Variants in PCBP3 observed in about 807,000 individuals in gnomAD.
PCBP3 encodes the protein poly(rC) binding protein 3.
Under a neutral mutation model 52.7 loss-of-function variants are expected in PCBP3, and 25 were observed. The observed-to-expected ratio is 0.47, with a 90% CI of 0.35 to 0.66. The LOEUF (loss-of-function observed/expected upper bound fraction) is 0.66, where lower values mean the gene tolerates loss of function less well. Ranked by LOEUF, PCBP3 falls within the 30% of genes least tolerant of loss-of-function variation. The pLI, the probability that PCBP3 is intolerant of heterozygous loss-of-function variation, is 0.01. For missense variants in PCBP3, 391 were observed against 490.3 expected, an observed-to-expected ratio of 0.80 and a Z score of 1.91; for synonymous variants, 162 against 183.0, an observed-to-expected ratio of 0.89 and a Z score of 0.93.
chr21:45,802,025 G>C lies in PCBP3; in HGVS notation c.-126+46573G>C, dbSNP rs750532567. ...CTGACTGTCCCTCTGTGGCTCTCGGGGTCTCCCCTCCTCTTCCTTGAGGGC... is the reference window on the plus strand; with the variant it reads ...CTGACTGTCCCTCTGTGGCTCTCGGCGTCTCCCCTCCTCTTCCTTGAGGGC... On this transcript the variant is annotated intron_variant, in intron 4 of 17. Transcript: ENST00000681687. This position sits in a 1 kb window ranked among gnomAD's most constrained non-coding sequence, Gnocchi z 5.1. 6.6e-6 allele frequency among the ~76,000 whole-genome samples: 1 copy of C among 152,060 alleles called. No homozygotes were observed. Among genetic ancestry groups the C allele is most frequent in the Non-Finnish European group, 1.5e-5 (1 of 67,998 alleles).
At position 45,913,891 on chromosome 21, in the gene PCBP3, C is replaced by T. The variant is rs534359096; in HGVS notation, c.601-60C>T. 105 of 1,505,982 alleles carry T rather than the reference C, an allele frequency of 7.0e-5. No individual in the cohort carries two copies. The Admixed American group carries it at 8.5e-4, about 12-fold the overall frequency. The allele number at this position is 1,505,982 out of a possible 1,614,324, so 93.3% of individuals were successfully genotyped here. A position where few individuals can be genotyped will look rare whatever the true frequency, so the allele number is the denominator to read the frequency against. ...TGGGGTGGGCCGGGGCACGCCTCCC[C>T]ATTGCCAGGCTGCGAAGCTGCTCTA... On this transcript the variant is annotated intron_variant, in intron 11 of 17. Transcript: ENST00000681687.
chr21:45,897,678 A>C (rs959710221), intron 6 of PCBP3, among the ~76,000 whole-genome samples: 1 of 152,026 alleles, frequency 6.6e-6, no homozygotes, highest in Non-Finnish European at 1.5e-5. Context: ...TCCTTGTCCC[A>C]GTCCTGGAAC....
At chr21:45,720,178 T>C (rs1464280368) in intron 2 of PCBP3, among the ~76,000 whole-genome samples, 1 of 152,166 alleles carries the variant, frequency 6.6e-6, no homozygotes, top group Non-Finnish European at 1.5e-5. Context: ...CATCAACCTG[T>C]CATCTACATC....
chr21:45,776,723 C>CT (rs1005636326), intron 4 of PCBP3, among the ~76,000 whole-genome samples: 2 of 152,026 alleles, frequency 1.3e-5, no homozygotes, highest in Admixed American at 1.3e-4. Flanking sequence ...ATATTTTTTT[C>CT]CATCCCTTTA....
At chr21:45,887,755 G>A (rs3788228) in intron 5 of PCBP3, among the ~76,000 whole-genome samples, 116,740 of 152,170 alleles carry the variant, frequency 0.77, 45,266 homozygotes, top group East Asian at 1. Flanking sequence ...AGCATTTTAG[G>A]CTATTGGTGC....
chr21:45,875,157 T>G (rs2095207415), intron 5 of PCBP3, among the ~76,000 whole-genome samples: 2 of 151,982 alleles, frequency 1.3e-5, no homozygotes, highest in South Asian at 4.1e-4. Context: ...GGCCCCTCCA[T>G]GTTGCGCGCT....
intron 5 of PCBP3, among the ~76,000 whole-genome samples, chr21:45,892,013 G>A (rs1170095593): frequency 6.6e-6 from 1 of 152,212 alleles, no homozygotes; most frequent in Non-Finnish European, 1.5e-5. Context: ...TCTAATGTAA[G>A]GGGGGTTTAT....
chr21:45,885,042 A>G (rs918259381), intron 5 of PCBP3, among the ~76,000 whole-genome samples: 4 of 152,170 alleles, frequency 2.6e-5, no homozygotes, highest in Non-Finnish European at 4.4e-5. Context: ...CCAAGATTTC[A>G]TCATTATTTC....
chr21:45,813,383 C>T (rs966472320), intron 4 of PCBP3, among the ~76,000 whole-genome samples: 2 of 152,092 alleles, frequency 1.3e-5, no homozygotes, highest in Non-Finnish European at 2.9e-5. Context: ...TATAGTTTCC[C>T]TTTTCTTCCT....
chr21:45,940,010 C>T lies in PCBP3; in HGVS notation c.910-20C>T, dbSNP rs145149906. ...TGGCTTGGGCTGTTCTCTAAGAAATCCCCCCGTCCTTGTTTCTAGCTAATA... is the reference window on the plus strand; with the variant it reads ...TGGCTTGGGCTGTTCTCTAAGAAATTCCCCCGTCCTTGTTTCTAGCTAATA... On this transcript the variant is annotated intron_variant, in intron 16 of 17. Coordinates refer to ENST00000681687, the MANE Select transcript of PCBP3 (RefSeq NM_001384156.1). 0.013 allele frequency: 20,416 copies of T among 1,606,850 alleles called. 871 individuals carry two copies. The Admixed American group carries it at 0.14, about 11-fold the overall frequency.
At chr21:45,815,472 G>A (rs1430658790) in intron 4 of PCBP3, among the ~76,000 whole-genome samples, 1 of 110,084 alleles carries the variant, frequency 9.1e-6, no homozygotes. Flanking sequence ...AGTGAGTGAT[G>A]AGTGATGGGT....
chr21:45,764,394 T>C (rs1308931484), intron 4 of PCBP3, among the ~76,000 whole-genome samples: 1 of 152,250 alleles, frequency 6.6e-6, no homozygotes, highest in East Asian at 1.9e-4. Context: ...AGTGCTGGGA[T>C]TACAGGCGTG....
At position 45,724,564 on chromosome 21, in the gene PCBP3, G is replaced by A. The variant is rs1164774161; in HGVS notation, c.-199-10828G>A. On this transcript the variant is annotated intron_variant, in intron 2 of 17. Coordinates refer to ENST00000681687, the MANE Select transcript of PCBP3 (RefSeq NM_001384156.1). This position sits in a 1 kb window ranked among gnomAD's most constrained non-coding sequence, Gnocchi z 5.3. ...TCATGGTGGCGGGCCAGGCTGCTCT[G>A]TAACACGAACATTAAAACTGATTTG... is the stretch of plus-strand genomic sequence containing the variant. Among the ~76,000 whole-genome samples the A allele has an allele frequency of 1.3e-5, 2 of 152,174 alleles. No individual in the cohort carries two copies. Among genetic ancestry groups the A allele is most frequent in the Non-Finnish European group, 2.9e-5 (2 of 68,038 alleles).
Position 45,805,269 on chromosome 21 carries a change from A to ACT in PCBP3, c.-125-44687_-125-44686dup, listed in dbSNP as rs1400292488. ...CTATAGGAAGAGGCATTCTTGTGTG[A>ACT]CTCTCTGGTCATTTGCTTGGGGGAG... On this transcript the variant is annotated intron_variant, in intron 4 of 17. Coordinates refer to ENST00000681687, the MANE Select transcript of PCBP3 (RefSeq NM_001384156.1). The surrounding 1 kb of genome is among the most constrained non-coding windows in gnomAD (Gnocchi z 4.6). Among the ~76,000 whole-genome samples, 1 of 151,528 alleles carries ACT rather than the reference A, an allele frequency of 6.6e-6. No homozygotes were observed. The highest frequency in any genetic ancestry group is 1.5e-5 in the Non-Finnish European group (1 of 67,850).
intron 1 of PCBP3, among the ~76,000 whole-genome samples, chr21:45,652,049 A>G (rs1369410233): frequency 6.6e-6 from 1 of 152,216 alleles, no homozygotes; most frequent in East Asian, 1.9e-4. Context: ...TGCTATTATC[A>G]CATTCCTATC....
intron 16 of PCBP3, 121 bp downstream of exon 16, chr21:45,935,426 C>T (rs769509209): frequency 4.1e-6 from 3 of 734,676 alleles, no homozygotes; most frequent in Non-Finnish European, 7.4e-6. Flanking sequence ...ACCACCCCAA[C>T]CCCACTGTTT....
rs2083312156 is a variant in PCBP3 at position 45,704,334 on chromosome 21, G to A, written c.-199-31058G>A. 1.3e-5 allele frequency among the ~76,000 whole-genome samples: 2 copies of A among 152,308 alleles called. No individual in the cohort carries two copies. Among genetic ancestry groups the A allele is most frequent in the South Asian group, 4.1e-4 (2 of 4,828 alleles). The stretch of plus-strand genomic sequence containing the variant: ...GGAATGAGGGGAGTTGACATAGTTT[G>A]TCTGCAGAAAGGAGTAAGGAAACAT... On this transcript the variant is annotated intron_variant, in intron 2 of 17. Coordinates refer to ENST00000681687, the MANE Select transcript of PCBP3 (RefSeq NM_001384156.1). The surrounding 1 kb of genome is among the most constrained non-coding windows in gnomAD (Gnocchi z 4.1).
intron 2 of PCBP3, among the ~76,000 whole-genome samples, chr21:45,708,029 G>A (rs965909314): frequency 3.9e-5 from 6 of 152,290 alleles, no homozygotes; most frequent in South Asian, 2.1e-4. Flanking sequence ...CAAAGCCGAC[G>A]TTCTGCTTCA....
chr21:45,746,037 C>T (rs1199239842), intron 3 of PCBP3, among the ~76,000 whole-genome samples: 3 of 144,410 alleles, frequency 2.1e-5, no homozygotes, highest in East Asian at 2.0e-4. Flanking sequence ...GTAGCACACA[C>T]GGTGTTGTGT....
Sources: gnomAD v4.1 joint callset for allele counts (sites outside exome capture counted in the v4.1 genomes callset) on GRCh38, gnomAD v4.1.1 for gene constraint, Gnocchi (gnomAD v3.1) non-coding constraint, MANE v1.5 for transcripts, NCBI Gene and HGNC (gene_info 2026-07-23, HGNC 2026-07-21) for gene names.